Variants in SLC25A24 observed in about 807,000 individuals in gnomAD.
SLC25A24 encodes mitochondrial adenyl nucleotide antiporter SLC25A24.
In SLC25A24, 49 loss-of-function variants were observed where a neutral mutation model predicts 60.7. That is an observed-to-expected ratio of 0.81 (90% CI 0.64 to 1.02). The LOEUF is 1.02. Ranked by LOEUF, SLC25A24 falls within the 50% of genes least tolerant of loss-of-function variation. The pLI is 0.00. For missense variants in SLC25A24, 564 were observed against 586.3 expected (o/e 0.96, Z 0.39); for synonymous variants, 202 against 200.6 (o/e 1.01, Z -0.06).
chr1:108,144,435 T>TTTTTAAAAA (rs1679529085), intron 7 of SLC25A24, among the ~76,000 whole-genome samples: 2 of 152,338 alleles, frequency 1.3e-5, no homozygotes, highest in South Asian at 2.1e-4. Context: ...TTTTGCCTAC[T>TTTTTAAAAA]TTTTAAAAAT....
At chr1:108,192,482 C>T in intron 1 of SLC25A24, 1 of 1,468,476 alleles carries the variant, frequency 6.8e-7, no homozygotes, top group Non-Finnish European at 9.2e-7. Flanking sequence ...GATTACAGCC[C>T]CAGTGAGACC....
chr1:108,158,936 G>A (rs1015535767), intron 4 of SLC25A24, among the ~76,000 whole-genome samples: 6 of 152,204 alleles, frequency 3.9e-5, no homozygotes, highest in Admixed American at 2.0e-4. Context: ...CCCGGAGGCC[G>A]AGTTTGCAGA....
intron 7 of SLC25A24, 77 bp from the exon 8 acceptor site, chr1:108,143,787 A>G (rs1287415875): frequency 2.8e-6 from 3 of 1,084,940 alleles, no homozygotes; most frequent in South Asian, 1.4e-5. Flanking sequence ...GTAATTTTAC[A>G]TGGAACAAAT....
At position 108,192,020 on chromosome 1, in the gene SLC25A24, T is replaced by C. The variant is rs1437682856; in HGVS notation, c.184-6066A>G. ...TATTATGAGGAAACCTCAGCACTAG[T>C]GAAACCCGAGAGTAAAAGCCACTTC... On this transcript the variant is annotated intron_variant, in intron 1 of 9. Coordinates refer to ENST00000565488, the MANE Select transcript of SLC25A24 (RefSeq NM_013386.5). Among the ~76,000 whole-genome samples the C allele has an allele frequency of 2.9e-5, 4 of 138,422 alleles. 1 individual carries two copies. Among genetic ancestry groups the C allele is most frequent in the East Asian group, 2.7e-4 (1 of 3,718 alleles). The allele number at this position is 138,422 out of a possible 152,430, so 90.8% of individuals were successfully genotyped here.
rs41278472 is a variant in SLC25A24 at position 108,192,761 on chromosome 1, C to T, written c.184-6807G>A. On this transcript the variant is annotated intron_variant, in intron 1 of 9. Coordinates refer to ENST00000565488, the MANE Select transcript of SLC25A24 (RefSeq NM_013386.5). ...CAGCATCCTCCTCAGGGGCGCCAAACACAATGCACCTTCATCGGTTAAAGC... is the reference window on the plus strand; with the variant it reads ...CAGCATCCTCCTCAGGGGCGCCAAATACAATGCACCTTCATCGGTTAAAGC... 0.086 allele frequency: 116,569 copies of T among 1,354,282 alleles called. 24,653 individuals carry two copies. The highest frequency in any genetic ancestry group is 0.16 in the South Asian group (9,475 of 60,778). The allele number at this position is 1,354,282 out of a possible 1,614,324, so 83.9% of individuals were successfully genotyped here. A position where few individuals can be genotyped will look rare whatever the true frequency, so the allele number is the denominator to read the frequency against.
chr1:108,195,565 G>C (rs1225035299), intron 1 of SLC25A24, among the ~76,000 whole-genome samples: 1 of 152,130 alleles, frequency 6.6e-6, no homozygotes, highest in Non-Finnish European at 1.5e-5. Flanking sequence ...TAGAACATTT[G>C]ACAGAAATGT....
At chr1:108,187,077 C>A (rs74590377) in intron 1 of SLC25A24, among the ~76,000 whole-genome samples, 11 of 139,684 alleles carry the variant, frequency 7.9e-5, no homozygotes, top group Non-Finnish European at 6.1e-5. Flanking sequence ...AACTCTATCT[C>A]AAAAAAAAAA....
At chr1:108,169,986 G>C in intron 3 of SLC25A24, among the ~76,000 whole-genome samples, 1 of 151,700 alleles carries the variant, frequency 6.6e-6, no homozygotes. Context: ...TTCTGGCTTT[G>C]TTGATCCTGT....
chr1:108,173,305 C>T (rs1332832527), intron 3 of SLC25A24, among the ~76,000 whole-genome samples: 2 of 152,170 alleles, frequency 1.3e-5, no homozygotes, highest in African/African-American at 2.4e-5. Flanking sequence ...CCCCATGCTG[C>T]TGTTCTCATG....
intron 6 of SLC25A24, among the ~76,000 whole-genome samples, chr1:108,151,466 G>C (rs1679754652): frequency 6.6e-6 from 1 of 152,100 alleles, no homozygotes; most frequent in South Asian, 2.1e-4. Context: ...AATCCTAAAA[G>C]ATATTCTTAT....
intron 8 of SLC25A24, among the ~76,000 whole-genome samples, chr1:108,140,624 C>T (rs956311017): frequency 7.4e-4 from 112 of 151,722 alleles, no homozygotes; most frequent in African/African-American, 2.7e-3. Flanking sequence ...TATCAAAAGA[C>T]ATAAAGTTTG....
At position 108,143,811 on chromosome 1, in the gene SLC25A24, T is replaced by C. The variant is rs1571278354; in HGVS notation, c.931-101A>G. ...CATGGAACAAATACCTAGCACATAT[T>C]GTCACTCAAAAGACTGTACAATTTG... On this transcript the variant is annotated intron_variant, in intron 7 of 9. Coordinates refer to ENST00000565488, the MANE Select transcript of SLC25A24 (RefSeq NM_013386.5). The C allele has an allele frequency of 8.0e-6, 7 of 873,576 alleles. No individual in the cohort carries two copies. The East Asian group carries it at 1.7e-4, about 22-fold the overall frequency. 54.1% of individuals were successfully genotyped at this position (873,576 alleles called of 1,614,324 possible). A position where few individuals can be genotyped will look rare whatever the true frequency, so the allele number is the denominator to read the frequency against.
At chr1:108,184,081 A>G (rs1019465785) in intron 2 of SLC25A24, among the ~76,000 whole-genome samples, 1 of 152,256 alleles carries the variant, frequency 6.6e-6, no homozygotes, top group Non-Finnish European at 1.5e-5. Flanking sequence ...GTTTTAAAAT[A>G]CACAAACATG....
Position 108,134,862 on chromosome 1 carries a change from T to C in SLC25A24, c.*1791A>G, listed in dbSNP as rs1424562847. On this transcript the variant is annotated 3_prime_UTR_variant, in exon 10 of 10. Coordinates refer to ENST00000565488, the MANE Select transcript of SLC25A24 (RefSeq NM_013386.5). ...ATATATTTTTGATAGAAACTGTAAG[T>C]AAATATTCAGTACTACCAGAAATAT... The C allele has an allele frequency of 2.0e-5, 3 of 152,294 alleles. No homozygotes were observed. The highest frequency in any genetic ancestry group is 3.9e-4 in the East Asian group (2 of 5,190). The allele number at this position is 152,294 out of a possible 1,614,324, so 9.4% of individuals were successfully genotyped here.
At chr1:108,177,007 A>T (rs927495245) in intron 3 of SLC25A24, among the ~76,000 whole-genome samples, 23 of 152,336 alleles carry the variant, frequency 1.5e-4, no homozygotes, top group Non-Finnish European at 2.9e-4. Context: ...AATCACTTAC[A>T]TCTGTAGTAG....
At chr1:108,161,712 A>C (rs746702044) in intron 3 of SLC25A24, among the ~76,000 whole-genome samples, 38 of 152,224 alleles carry the variant, frequency 2.5e-4, no homozygotes, top group Non-Finnish European at 5.1e-4. Context: ...AAATATACTC[A>C]AAACATGCTA....
In SLC25A24 at chr1:108,200,230, C is replaced by A; in HGVS notation, c.-92G>T. ...GGGACCAGCGCGAGGCCGGGCTGGG[C>A]GGGGCGCGCGGCGCAACAGCGTTTG... On this transcript the variant is annotated 5_prime_UTR_variant, in exon 1 of 10. Transcript: ENST00000565488. The A allele has an allele frequency of 7.8e-7, 1 of 1,276,578 alleles. No individual in the cohort carries two copies. Among genetic ancestry groups the A allele is most frequent in the South Asian group, 1.7e-5 (1 of 57,752 alleles). 79.1% of individuals were successfully genotyped at this position (1,276,578 alleles called of 1,614,324 possible).
intron 3 of SLC25A24, among the ~76,000 whole-genome samples, chr1:108,174,794 A>T (rs1318166591): frequency 6.6e-6 from 1 of 152,220 alleles, no homozygotes; most frequent in Non-Finnish European, 1.5e-5. Flanking sequence ...TGTGGAGTCA[A>T]AGGAGATCAT....
rs1377434034 is a variant in SLC25A24 at position 108,136,408 on chromosome 1, GATT to G, written c.*242_*244del. The G allele has an allele frequency of 5.8e-6, 2 of 347,792 alleles. No homozygotes were observed. The highest frequency in any genetic ancestry group is 1.0e-5 in the Non-Finnish European group (2 of 194,190). 21.5% of individuals were successfully genotyped at this position (347,792 alleles called of 1,614,324 possible). A position where few individuals can be genotyped will look rare whatever the true frequency, so the allele number is the denominator to read the frequency against. On this transcript the variant is annotated 3_prime_UTR_variant, in exon 10 of 10. Coordinates refer to ENST00000565488, the MANE Select transcript of SLC25A24 (RefSeq NM_013386.5). ...TCGGATTCAGGGCAGAGATTTGCAG[GATT>G]ATTAAGAAAAGATAAAGTATAATTG...
Sources: gnomAD v4.1 joint callset for allele counts (sites outside exome capture counted in the v4.1 genomes callset) on GRCh38, gnomAD v4.1.1 for gene constraint, MANE v1.5 for transcripts, NCBI Gene and HGNC (gene_info 2026-07-23, HGNC 2026-07-21) for gene names.